ANO3: variants seen among roughly 807,000 people sequenced by gnomAD.
ANO3 encodes anoctamin-3.
In ANO3, 99 loss-of-function variants were observed where a neutral mutation model predicts 144.8. That is an observed-to-expected ratio of 0.68 (90% CI 0.58 to 0.81). The LOEUF (loss-of-function observed/expected upper bound fraction) is 0.81, where lower values mean the gene tolerates loss of function less well. Ranked by LOEUF, ANO3 falls within the 30% of genes least tolerant of loss-of-function variation. The pLI, the probability that ANO3 is intolerant of heterozygous loss-of-function variation, is 0.00. For synonymous variants in ANO3, 414 were observed against 392.6 expected, an observed-to-expected ratio of 1.05 and a Z score of -0.64; for missense variants, 905 against 1,202.2, an observed-to-expected ratio of 0.75 and a Z score of 3.66.
intron 12 of ANO3, among the ~76,000 whole-genome samples, chr11:26,551,616 A>T (rs1328255415): frequency 6.6e-6 from 1 of 152,030 alleles, no homozygotes; most frequent in Non-Finnish European, 1.5e-5. Context: ...ATTGAGAAAG[A>T]TTATGTCATA....
intron 11 of ANO3, 55 bp downstream of exon 11, chr11:26,542,123 C>T (rs1849662187): frequency 6.4e-7 from 1 of 1,558,984 alleles, no homozygotes; most frequent in African/African-American, 1.4e-5. Context: ...GTGTCATTGT[C>T]TTAGACTTGG....
At chr11:26,518,027 A>G (rs955759463) in intron 6 of ANO3, among the ~76,000 whole-genome samples, 1 of 152,062 alleles carries the variant, frequency 6.6e-6, no homozygotes, top group African/African-American at 2.4e-5. Flanking sequence ...TAGACTTGAT[A>G]TTTAGAATAT....
At chr11:26,457,328 G>A (rs1238240927) in intron 3 of ANO3, among the ~76,000 whole-genome samples, 3 of 52,020 alleles carry the variant, frequency 5.8e-5, no homozygotes, top group Non-Finnish European at 8.4e-5. Context: ...AAAATGTTTT[G>A]ACTCTGAAAA....
chr11:26,447,296 T>C (rs1209210619), intron 3 of ANO3, among the ~76,000 whole-genome samples: 2 of 151,966 alleles, frequency 1.3e-5, no homozygotes, highest in Admixed American at 1.3e-4. Flanking sequence ...CTGGACTCCT[T>C]ATTATTATAC....
intron 3 of ANO3, among the ~76,000 whole-genome samples, chr11:26,445,994 G>A (rs559899014): frequency 3.9e-5 from 6 of 151,986 alleles, no homozygotes; most frequent in African/African-American, 1.4e-4. Context: ...ACCACACCCA[G>A]CTAATTTTTG....
At chr11:26,206,840 G>A (rs946567564) in intron 1 of ANO3, among the ~76,000 whole-genome samples, 2 of 152,104 alleles carry the variant, frequency 1.3e-5, no homozygotes, top group African/African-American at 2.4e-5. Context: ...TAAAAACTGC[G>A]CCGTTTCAGT....
intron 1 of ANO3, among the ~76,000 whole-genome samples, chr11:26,304,011 C>G (rs1564957004): frequency 6.6e-6 from 1 of 152,086 alleles, no homozygotes; most frequent in Non-Finnish European, 1.5e-5. Context: ...TCGTGCACGG[C>G]CAAAATTATT....
intron 1 of ANO3, among the ~76,000 whole-genome samples, chr11:26,413,558 T>A (rs558816320): frequency 6.6e-6 from 1 of 152,188 alleles, no homozygotes; most frequent in South Asian, 2.1e-4. Context: ...ATGCTGGCAA[T>A]CTAATTTAAA....
chr11:26,513,343 A>T (rs749473661), intron 5 of ANO3, among the ~76,000 whole-genome samples: 4 of 152,188 alleles, frequency 2.6e-5, no homozygotes, highest in South Asian at 2.1e-4. Flanking sequence ...CAAGAGTGTG[A>T]GCAAAGAAGC....
At chr11:26,518,007 A>C (rs1861924593) in intron 6 of ANO3, among the ~76,000 whole-genome samples, 1 of 152,092 alleles carries the variant, frequency 6.6e-6, no homozygotes, top group Non-Finnish European at 1.5e-5. Context: ...AAGGGTTTAA[A>C]AATTCTCTAT....
intron 4 of ANO3, among the ~76,000 whole-genome samples, chr11:26,484,438 G>C (rs1040348230): frequency 1.3e-5 from 2 of 152,164 alleles, no homozygotes; most frequent in Non-Finnish European, 2.9e-5. Context: ...AGTCATGGCA[G>C]CTTCCATGTG....
intron 1 of ANO3, among the ~76,000 whole-genome samples, chr11:26,350,546 A>G (rs1023587354): frequency 6.6e-6 from 1 of 152,168 alleles, no homozygotes; most frequent in Non-Finnish European, 1.5e-5. Context: ...ACTTTAATCT[A>G]TTTAATCTAT....
intron 12 of ANO3, among the ~76,000 whole-genome samples, chr11:26,551,015 G>A (rs1849917976): frequency 6.6e-6 from 1 of 151,904 alleles, no homozygotes; most frequent in Non-Finnish European, 1.5e-5. Context: ...TGATGATTAT[G>A]TCTGATTTTA....
intron 1 of ANO3, among the ~76,000 whole-genome samples, chr11:26,256,540 A>T (rs189160810): frequency 1.3e-5 from 2 of 152,228 alleles, no homozygotes; most frequent in Admixed American, 1.3e-4. Context: ...AGACCAGGTC[A>T]CCTTAATCTC....
chr11:26,300,110 C>T (rs892108164), intron 1 of ANO3, among the ~76,000 whole-genome samples: 1 of 151,994 alleles, frequency 6.6e-6, no homozygotes, highest in Admixed American at 6.6e-5. Flanking sequence ...TTGAGGAAGA[C>T]CAGTCTGTAT....
At chr11:26,501,644 T>C (rs979564794) in intron 4 of ANO3, among the ~76,000 whole-genome samples, 1 of 152,128 alleles carries the variant, frequency 6.6e-6, no homozygotes, top group Non-Finnish European at 1.5e-5. Flanking sequence ...ACACCATAAA[T>C]TGGATCAGGG....
chr11:26,361,535 G>A (rs1311365635), intron 1 of ANO3, among the ~76,000 whole-genome samples: 1 of 152,164 alleles, frequency 6.6e-6, no homozygotes, highest in African/African-American at 2.4e-5. Context: ...CAGGCAAAAA[G>A]AGTAGAGAAC....
chr11:26,256,779 A>G (rs1853067578), intron 1 of ANO3, among the ~76,000 whole-genome samples: 2 of 152,144 alleles, frequency 1.3e-5, no homozygotes, highest in African/African-American at 4.8e-5. Context: ...TACAGGGTAA[A>G]TTTAAAATAG....
chr11:26,488,461 G>C (rs573405539), intron 4 of ANO3, among the ~76,000 whole-genome samples: 4 of 152,214 alleles, frequency 2.6e-5, no homozygotes, highest in Non-Finnish European at 5.9e-5. Context: ...GAATGAAGCC[G>C]GGGACCCTTG....
Sources: allele counts gnomAD v4.1 joint callset (sites outside exome capture counted in the v4.1 genomes callset), GRCh38; gene constraint gnomAD v4.1.1; transcripts MANE v1.5; gene names NCBI Gene and HGNC (gene_info 2026-07-23, HGNC 2026-07-21).